Variants in FYCO1 observed in about 807,000 individuals in gnomAD.
The protein encoded by FYCO1 is FYVE and coiled-coil domain autophagy adaptor 1.
A neutral mutation model predicts 165.1 loss-of-function variants in FYCO1; 122 were observed. The ratio of observed to expected loss-of-function variants is 0.74; its 90% CI spans 0.64 to 0.86. The LOEUF is 0.86. Ranked by LOEUF, FYCO1 falls within the 40% of genes least tolerant of loss-of-function variation. The pLI, the probability that FYCO1 is intolerant of heterozygous loss-of-function variation, is 0.00. For missense variants in FYCO1, 1,702 were observed against 1,810.3 expected, an observed-to-expected ratio of 0.94 and a Z score of 1.09; for synonymous variants, 648 against 742.5, an observed-to-expected ratio of 0.87 and a Z score of 2.07.
In FYCO1 at chr3:45,987,404, A is replaced by T. The variant is rs1223283038; in HGVS notation, c.-112-2382T>A. The stretch of plus-strand genomic sequence containing the variant: ...AAAGGAGCATTGGGATGAATTTATA[A>T]AAAAAAATGCAGTGGGATCTGAGGA... On this transcript the variant is annotated intron_variant, in intron 1 of 17. Transcript: ENST00000296137. Among the ~76,000 whole-genome samples the T allele has an allele frequency of 5.3e-5, 8 of 152,178 alleles. No individual in the cohort carries two copies. In the East Asian group the frequency reaches 7.7e-4, roughly 15 times the overall value.
chr3:45,945,953 A>C (rs932529967), intron 14 of FYCO1: 18 of 155,610 alleles, frequency 1.2e-4, no homozygotes, highest in African/African-American at 4.3e-4. Context: ...CCTTGATAGG[A>C]GAGCCCCCTG....
At chr3:45,981,037 G>C (rs184884856) in intron 3 of FYCO1, among the ~76,000 whole-genome samples, 187 of 152,292 alleles carry the variant, frequency 1.2e-3, no homozygotes, top group Non-Finnish European at 1.9e-3. Flanking sequence ...AGTAGGTTGG[G>C]GTGGGAGCCA....
chr3:45,926,246 A>G (rs1703312918), intron 16 of FYCO1, among the ~76,000 whole-genome samples: 1 of 152,178 alleles, frequency 6.6e-6, no homozygotes, highest in Non-Finnish European at 1.5e-5. Flanking sequence ...GCAACACCCA[A>G]CCCTATCATG....
intron 10 of FYCO1, among the ~76,000 whole-genome samples, chr3:45,963,295 C>T (rs1458961018): frequency 6.6e-6 from 1 of 152,088 alleles, no homozygotes; most frequent in African/African-American, 2.4e-5. Flanking sequence ...CAGCTTTGAG[C>T]AACTGAAACA....
At chr3:45,977,556 T>C (rs1014706181) in intron 4 of FYCO1, among the ~76,000 whole-genome samples, 1 of 151,834 alleles carries the variant, frequency 6.6e-6, no homozygotes, top group African/African-American at 2.4e-5. Flanking sequence ...TTTTAGCTTC[T>C]AATCAGAACC....
rs533674907 is a variant in FYCO1, at chr3:45,918,963, T to C, written c.*2802A>G. 2 of 152,228 alleles carry C rather than the reference T, an allele frequency of 1.3e-5. No homozygotes were observed. The highest frequency in any genetic ancestry group is 2.1e-4 in the South Asian group (1 of 4,822). The allele number at this position is 152,228 out of a possible 1,614,324, so 9.4% of individuals were successfully genotyped here. A position where few individuals can be genotyped will look rare whatever the true frequency, so the allele number is the denominator to read the frequency against. On this transcript the variant is annotated 3_prime_UTR_variant, in exon 18 of 18. Transcript: ENST00000296137. ...GAATCTGACAGAGGTTGGCATGTTCTTGAAGGTGGTGAGTGGCTTCAGTGG... is the reference window on the plus strand; with the variant it reads ...GAATCTGACAGAGGTTGGCATGTTCCTGAAGGTGGTGAGTGGCTTCAGTGG...
At chr3:45,973,446 A>G (rs535501514) in intron 5 of FYCO1, among the ~76,000 whole-genome samples, 2 of 152,216 alleles carry the variant, frequency 1.3e-5, no homozygotes, top group Non-Finnish European at 2.9e-5. Flanking sequence ...CTGGATGCTT[A>G]TTCATTTATT....
At chr3:45,954,218 G>A (rs976494085) in intron 14 of FYCO1, among the ~76,000 whole-genome samples, 19 of 151,558 alleles carry the variant, frequency 1.3e-4, no homozygotes, top group Non-Finnish European at 2.8e-4. Flanking sequence ...ACATTTTTTG[G>A]GGGGGGTAAG....
In FYCO1 at chr3:45,919,912, C is replaced by T. The variant is rs1703032771; in HGVS notation, c.*1853G>A. 1 of 152,222 alleles carries T rather than the reference C, an allele frequency of 6.6e-6. No individual in the cohort carries two copies. Among genetic ancestry groups the T allele is most frequent in the African/African-American group, 2.4e-5 (1 of 41,454 alleles). 9.4% of individuals were successfully genotyped at this position (152,222 alleles called of 1,614,324 possible). ...AGAGTCGCTGGGGGCCTGGCCACCT[C>T]TATTCCAGTACTAAGCATGGTCAGA... On this transcript the variant is annotated 3_prime_UTR_variant, in exon 18 of 18. Coordinates refer to ENST00000296137, the MANE Select transcript of FYCO1 (RefSeq NM_024513.4).
chr3:45,959,681 C>T, intron 11 of FYCO1, 139 bp from the exon 12 acceptor site: 1 of 905,008 alleles, frequency 1.1e-6, no homozygotes, highest in South Asian at 1.4e-5. Flanking sequence ...AAATATGCCC[C>T]AGCCCATGCT....
Position 45,987,444 on chromosome 3 carries a change from T to C in FYCO1, c.-112-2422A>G, listed in dbSNP as rs144128604. ...GGATCTGAGGAAGGGAAAATCTAAT[T>C]CAGCTTGGGGAAGGGAGAAGTGGTA... On this transcript the variant is annotated intron_variant, in intron 1 of 17. Coordinates refer to ENST00000296137, the MANE Select transcript of FYCO1 (RefSeq NM_024513.4). Among the ~76,000 whole-genome samples, 118 of 152,244 alleles carry C rather than the reference T, an allele frequency of 7.8e-4. 1 individual carries two copies. Among genetic ancestry groups the C allele is most frequent in the African/African-American group, 2.8e-3 (117 of 41,538 alleles).
Position 45,967,829 on chromosome 3 carries a change from T to A in FYCO1, c.1505A>T (p.Glu502Val). The change falls in exon 8 of 18, where the codon GAG (glutamate) becomes GTG (valine). Residue 502 changes from glutamate to valine, a missense_variant. By Grantham distance (121) the Glu-to-Val change is moderately radical (BLOSUM62 -2). Coordinates refer to ENST00000296137, the MANE Select transcript of FYCO1 (RefSeq NM_024513.4). The part of the protein sequence containing the change: ...REKKQQQEEK[E>V]LLEQEVRSLT... ...AGACCTGACCTCCTGCTCCAGCAGC[T>A]CCTTCTCCTCCTGTTGCTGTTTTTT... 1 of 1,614,088 alleles carries A rather than the reference T, an allele frequency of 6.2e-7. No individual in the cohort carries two copies.
At chr3:45,991,306 C>T (rs545852230) in intron 1 of FYCO1, among the ~76,000 whole-genome samples, 1 of 152,158 alleles carries the variant, frequency 6.6e-6, no homozygotes, top group Non-Finnish European at 1.5e-5. Flanking sequence ...CACTGCCTAC[C>T]TAGCCTCTCT....
At chr3:45,938,285 T>G in intron 14 of FYCO1, 1 of 1,264,470 alleles carries the variant, frequency 7.9e-7, no homozygotes, top group Non-Finnish European at 1.0e-6. Flanking sequence ...ATGGGATAGG[T>G]GGGTGATGCA....
Position 45,923,719 on chromosome 3 carries a change from T to C in FYCO1, c.4298A>G (p.Gln1433Arg). ...TRCNSHKENI[Q>R]GQLKVRTPGI... is the part of the protein sequence containing the mutation. ...GGGTGTGCGAACCTTGAGCTGGCCC[T>C]GGATGTTCTCCTTGTGGGAGTTGCA... Residue 1433 changes from glutamine (Q) to arginine (R), a missense_variant, in exon 17 of 18, where the codon CAG (glutamine) becomes CGG (arginine). Transcript: ENST00000296137. The C allele has an allele frequency of 6.2e-7, 1 of 1,614,208 alleles. No individual in the cohort carries two copies. The highest frequency in any genetic ancestry group is 8.5e-7 in the Non-Finnish European group (1 of 1,180,020).
chr3:45,944,196 C>CTG (rs10562426), intron 14 of FYCO1, among the ~76,000 whole-genome samples: 2,426 of 150,022 alleles, frequency 0.016, 25 homozygotes, highest in South Asian at 0.048. Flanking sequence ...GCGTGTGTGT[C>CTG]TGTGTGTGTG....
chr3:45,982,219 T>C (rs1003224706), intron 2 of FYCO1, among the ~76,000 whole-genome samples: 3 of 152,164 alleles, frequency 2.0e-5, no homozygotes, highest in Admixed American at 2.0e-4. Flanking sequence ...TCTCATTTAA[T>C]ATGGCATTGA....
chr3:45,932,692 T>C (rs1703692235), intron 15 of FYCO1, among the ~76,000 whole-genome samples: 1 of 152,214 alleles, frequency 6.6e-6, no homozygotes, highest in African/African-American at 2.4e-5. Flanking sequence ...TCCCCAAAGC[T>C]AATGAGAACG....
At chr3:45,984,388 C>G (rs1289141219) in intron 2 of FYCO1, among the ~76,000 whole-genome samples, 1 of 152,220 alleles carries the variant, frequency 6.6e-6, no homozygotes, top group Non-Finnish European at 1.5e-5. Flanking sequence ...ACTGGACCTA[C>G]AGTGCATCCC....
Sources: allele counts gnomAD v4.1 joint callset (sites outside exome capture counted in the v4.1 genomes callset), GRCh38; gene constraint gnomAD v4.1.1; transcripts MANE v1.5; gene names NCBI Gene and HGNC (gene_info 2026-07-23, HGNC 2026-07-21).